DNM3: variants seen among roughly 807,000 people sequenced by gnomAD.
DNM3 encodes dynamin 3, also known as dynamin-3.
Under a neutral mutation model 101.6 loss-of-function variants are expected in DNM3, and 47 were observed. The observed-to-expected ratio is 0.46, with a 90% CI of 0.37 to 0.59. The LOEUF (loss-of-function observed/expected upper bound fraction) is 0.59. Among genes scored for constraint, DNM3 ranks in the 20% least tolerant of loss-of-function variants. The probability of loss-of-function intolerance (pLI) is 0.00; values close to 1 mark genes in which losing one functional copy is unlikely to be tolerated. For missense variants in DNM3, 849 were observed against 1,085.7 expected, an observed-to-expected ratio of 0.78 and a Z score of 3.06; for synonymous variants, 385 against 387.9, an observed-to-expected ratio of 0.99 and a Z score of 0.09.
At chr1:171,888,175 A>G (rs1038366993) in intron 1 of DNM3, among the ~76,000 whole-genome samples, 1 of 151,630 alleles carries the variant, frequency 6.6e-6, no homozygotes, top group Non-Finnish European at 1.5e-5. Context: ...TTTCTTTATC[A>G]TTAGAAAAAT....
rs116522885 is a variant in DNM3, at chr1:172,200,622, T to C, written c.1660-52951T>C. On this transcript the variant is annotated intron_variant, in intron 14 of 20. Transcript: ENST00000627582. ...CATCCCTTTTTATTCTTTAATTTAT[T>C]TTTTTCTGATTGTCTTATTTCAGAG... Among the ~76,000 whole-genome samples the C allele has an allele frequency of 3.7e-3, 567 of 152,304 alleles. 9 individuals carry two copies. Among genetic ancestry groups the C allele is most frequent in the African/African-American group, 0.013 (541 of 41,590 alleles).
intron 4 of DNM3, among the ~76,000 whole-genome samples, chr1:172,030,724 A>G (rs1023393566): frequency 3.9e-5 from 6 of 152,222 alleles, no homozygotes; most frequent in Non-Finnish European, 5.9e-5. Flanking sequence ...AAACAACCCC[A>G]TCAAAAAGTG....
intron 15 of DNM3, among the ~76,000 whole-genome samples, chr1:172,266,146 G>C (rs1481649740): frequency 6.6e-6 from 1 of 152,174 alleles, no homozygotes; most frequent in Non-Finnish European, 1.5e-5. Flanking sequence ...TTGTTGAGTA[G>C]TGGTATATTT....
At chr1:171,846,626 A>C (rs376836153) in intron 1 of DNM3, among the ~76,000 whole-genome samples, 1 of 152,198 alleles carries the variant, frequency 6.6e-6, no homozygotes, top group Non-Finnish European at 1.5e-5. Flanking sequence ...CTAGAAAGAA[A>C]TAGATTATTT....
intron 2 of DNM3, among the ~76,000 whole-genome samples, chr1:171,968,117 A>G (rs2043720318): frequency 6.6e-6 from 1 of 152,202 alleles, no homozygotes; most frequent in Admixed American, 6.5e-5. Context: ...GAGATAGAGC[A>G]AATGAAGATG....
At chr1:171,995,955 G>C (rs1184025420) in intron 4 of DNM3, among the ~76,000 whole-genome samples, 1 of 152,066 alleles carries the variant, frequency 6.6e-6, no homozygotes, top group Non-Finnish European at 1.5e-5. Flanking sequence ...TCACCTAAAC[G>C]GGATTTGAGT....
At chr1:172,250,528 T>C (rs1221013816) in intron 14 of DNM3, among the ~76,000 whole-genome samples, 1 of 152,092 alleles carries the variant, frequency 6.6e-6, no homozygotes, top group East Asian at 1.9e-4. Context: ...TCTCTGGTGA[T>C]GTTAGAGAAA....
chr1:172,354,108 T>TGAGA (rs1181407960), intron 17 of DNM3, among the ~76,000 whole-genome samples: 67 of 30,808 alleles, frequency 2.2e-3, no homozygotes, highest in African/African-American at 4.3e-3. Flanking sequence ...TGTGTGTGTG[T>TGAGA]GTGTGAGAGA....
intron 2 of DNM3, among the ~76,000 whole-genome samples, chr1:171,923,037 G>A (rs910443916): frequency 3.9e-5 from 6 of 152,164 alleles, no homozygotes; most frequent in Non-Finnish European, 8.8e-5. Context: ...GTGTGGACAT[G>A]TGTTTTCATT....
chr1:172,199,560 C>T (rs510473), intron 14 of DNM3, among the ~76,000 whole-genome samples: 35,882 of 151,998 alleles, frequency 0.24, 7,092 homozygotes, highest in African/African-American at 0.54. Flanking sequence ...TTGTAAGTCT[C>T]TAAGAACTTC....
chr1:172,078,951 T>C (rs777609571), intron 11 of DNM3, among the ~76,000 whole-genome samples: 1 of 152,222 alleles, frequency 6.6e-6, no homozygotes, highest in Non-Finnish European at 1.5e-5. Flanking sequence ...TGGCTCTCAC[T>C]CTCTTCTGGC....
chr1:172,183,614 T>G (rs1359796860), intron 14 of DNM3, among the ~76,000 whole-genome samples: 1 of 151,968 alleles, frequency 6.6e-6, no homozygotes, highest in Non-Finnish European at 1.5e-5. Flanking sequence ...ATTTTTTTAT[T>G]TTTTGTGATA....
chr1:171,865,399 C>T (rs1294429350), intron 1 of DNM3, among the ~76,000 whole-genome samples: 1 of 151,388 alleles, frequency 6.6e-6, no homozygotes, highest in Non-Finnish European at 1.5e-5. Flanking sequence ...TGCCTGTAGT[C>T]CCAGTGCTTG....
At chr1:172,211,931 T>C (rs1480486238) in intron 14 of DNM3, among the ~76,000 whole-genome samples, 1 of 152,066 alleles carries the variant, frequency 6.6e-6, no homozygotes, top group Non-Finnish European at 1.5e-5. Context: ...TTTATGAGGA[T>C]GAAGGAGGGT....
chr1:171,952,923 A>G (rs1437113725), intron 2 of DNM3, among the ~76,000 whole-genome samples: 1 of 152,208 alleles, frequency 6.6e-6, no homozygotes, highest in Non-Finnish European at 1.5e-5. Context: ...TACTGCCAAC[A>G]TGAATAAAAC....
In DNM3 at chr1:172,038,415, A is replaced by G; in HGVS notation, c.946A>G (p.Asn316Asp). Residue 316 changes from asparagine to aspartate, a missense_variant, in exon 7 of 21, where the codon AAT becomes GAT. This residue lies in a region of DNM3 where 388 missense variants were observed against 483.0 expected (regional missense o/e 0.80). Coordinates refer to ENST00000627582, the MANE Select transcript of DNM3 (RefSeq NM_015569.5). The part of the protein sequence containing the change: ...SIEHEVEAYK[N>D]FKPEDPTRKT... ...AGAACATGAAGTAGAAGCCTACAAA[A>G]ATTTCAAACCAGAAGACCCAACAAG... 2.5e-6 allele frequency: 4 copies of G among 1,613,416 alleles called. No homozygotes were observed. Among genetic ancestry groups the G allele is most frequent in the Non-Finnish European group, 3.4e-6 (4 of 1,179,536 alleles).
chr1:172,118,060 T>C (rs2056047204), intron 13 of DNM3, among the ~76,000 whole-genome samples: 1 of 152,194 alleles, frequency 6.6e-6, no homozygotes, highest in Non-Finnish European at 1.5e-5. Context: ...ATGTGCTTAA[T>C]GGTGTCTATA....
chr1:171,973,486 A>T (rs895496207), intron 2 of DNM3, among the ~76,000 whole-genome samples: 1 of 152,218 alleles, frequency 6.6e-6, no homozygotes, highest in Non-Finnish European at 1.5e-5. Flanking sequence ...TTGAGACCCT[A>T]TACCTAGTTA....
At chr1:172,080,787 G>C (rs2053078632) in intron 11 of DNM3, among the ~76,000 whole-genome samples, 1 of 152,190 alleles carries the variant, frequency 6.6e-6, no homozygotes, top group South Asian at 2.1e-4. Flanking sequence ...TGGTCTGCAG[G>C]TTGCGAAGAC....
Sources: gnomAD v4.1 joint callset for allele counts (sites outside exome capture counted in the v4.1 genomes callset) on GRCh38, gnomAD v4.1.1 for gene constraint, gnomAD v4.1.1 regional missense constraint, MANE v1.5 for transcripts, NCBI Gene and HGNC (gene_info 2026-07-23, HGNC 2026-07-21) for gene names.